Variants in TYW1B observed in about 807,000 individuals in gnomAD.
TYW1B encodes the protein S-adenosyl-L-methionine-dependent tRNA 4-demethylwyosine synthase TYW1B.
TYW1B carries 73 observed loss-of-function variants against 86.9 expected under a neutral mutation model. The ratio of observed to expected loss-of-function variants is 0.84; its 90% CI spans 0.70 to 1.02. The LOEUF (loss-of-function observed/expected upper bound fraction) is 1.02, where lower values mean the gene tolerates loss of function less well. TYW1B is among the 50% of genes least tolerant of loss of function. TYW1B has a pLI of 0.00. For missense variants in TYW1B, 637 were observed against 827.4 expected (o/e 0.77, Z 2.82); for synonymous variants, 248 against 292.8 (o/e 0.85, Z 1.56).
At chr7:72,746,258 G>A (rs1787392724) in intron 7 of TYW1B, among the ~76,000 whole-genome samples, 1 of 151,832 alleles carries the variant, frequency 6.6e-6, no homozygotes, top group African/African-American at 2.4e-5. Context: ...AAGTTTCCCT[G>A]TCCATCTTAG....
chr7:72,697,194 C>T (rs1206480360), intron 10 of TYW1B, among the ~76,000 whole-genome samples: 1 of 152,074 alleles, frequency 6.6e-6, no homozygotes, highest in South Asian at 2.1e-4. Flanking sequence ...AGATTATGAA[C>T]AGTACATTCC....
intron 11 of TYW1B, among the ~76,000 whole-genome samples, chr7:72,640,820 A>G (rs1416317177): frequency 6.6e-6 from 1 of 152,166 alleles, no homozygotes; most frequent in Non-Finnish European, 1.5e-5. Flanking sequence ...AAGGAGTAAA[A>G]GCACAGAACA....
At chr7:72,643,236 C>A (rs1459456688) in intron 11 of TYW1B, among the ~76,000 whole-genome samples, 7 of 151,802 alleles carry the variant, frequency 4.6e-5, no homozygotes, top group African/African-American at 1.7e-4. Flanking sequence ...ATAAGGATGG[C>A]AAGTATTCCA....
intron 6 of TYW1B, among the ~76,000 whole-genome samples, chr7:72,783,169 C>T (rs1554471909): frequency 6.6e-6 from 1 of 151,982 alleles, no homozygotes; most frequent in Admixed American, 6.6e-5. Flanking sequence ...GAGGCTGAGG[C>T]GGGCAGATCA....
At chr7:72,787,200 G>A (rs1255150915) in intron 6 of TYW1B, among the ~76,000 whole-genome samples, 18 of 152,140 alleles carry the variant, frequency 1.2e-4, no homozygotes, top group African/African-American at 3.4e-4. Flanking sequence ...GACCAGGCCC[G>A]GTGGCTATCC....
chr7:72,777,772 C>T (rs1160558797), intron 6 of TYW1B, among the ~76,000 whole-genome samples: 2 of 152,018 alleles, frequency 1.3e-5, no homozygotes, highest in East Asian at 1.9e-4. Context: ...AAAAATTAGC[C>T]GGGGATGGTG....
chr7:72,809,187 C>G (rs1472480892), intron 4 of TYW1B, among the ~76,000 whole-genome samples: 2 of 151,966 alleles, frequency 1.3e-5, no homozygotes, highest in Non-Finnish European at 2.9e-5. Context: ...GGACTACAGG[C>G]GCCCGTCACC....
chr7:72,821,438 G>A (rs1788826049), intron 2 of TYW1B, among the ~76,000 whole-genome samples: 1 of 152,260 alleles, frequency 6.6e-6, no homozygotes. Context: ...TTGTAGGCAA[G>A]AATAATTATT....
rs537514122 is a variant in TYW1B at position 72,723,895 on chromosome 7, CA to C, written c.1192+4926del. Among the ~76,000 whole-genome samples the C allele has an allele frequency of 7.6e-4, 115 of 151,498 alleles. 1 individual carries two copies. The highest frequency in any genetic ancestry group is 2.5e-3 in the African/African-American group (104 of 41,296). On this transcript the variant is annotated intron_variant, in intron 9 of 13. Coordinates refer to ENST00000620995, the MANE Select transcript of TYW1B (RefSeq NM_001145440.3). ...TATCATTTTAAAAGAAATCACATAA[CA>C]TTTTTTTCTTTGAAGTGTTACAGAC...
intron 6 of TYW1B, among the ~76,000 whole-genome samples, chr7:72,787,018 T>G (rs1424946412): frequency 1.5e-4 from 23 of 151,814 alleles, no homozygotes; most frequent in Non-Finnish European, 1.2e-4. Context: ...CACATTCACG[T>G]TGACCCAGTA....
chr7:72,640,012 G>A (rs1219855686), intron 11 of TYW1B, among the ~76,000 whole-genome samples: 9 of 152,018 alleles, frequency 5.9e-5, no homozygotes, highest in Non-Finnish European at 1.2e-4. Flanking sequence ...TGATATAAAC[G>A]TTAATTTACA....
chr7:72,802,591 C>CCA (rs1345175112), intron 5 of TYW1B, 69 bp from the exon 6 acceptor site: 1 of 1,578,640 alleles, frequency 6.3e-7, no homozygotes, highest in Non-Finnish European at 8.6e-7. Flanking sequence ...ACCCTCCCTC[C>CCA]CACACTGAGA....
At chr7:72,579,607 C>G (rs560308933) in intron 13 of TYW1B, among the ~76,000 whole-genome samples, 1 of 152,122 alleles carries the variant, frequency 6.6e-6, no homozygotes, top group Non-Finnish European at 1.5e-5. Flanking sequence ...TACATGTACA[C>G]GGAAAGTGAG....
rs4599696 is a variant in TYW1B at position 72,748,186 on chromosome 7, G to A, written c.965-3585C>T. Among the ~76,000 whole-genome samples the A allele has an allele frequency of 8.4e-3, 1,275 of 152,132 alleles. 16 individuals are homozygous for A. Among genetic ancestry groups the A allele is most frequent in the African/African-American group, 0.028 (1,182 of 41,528 alleles). On this transcript the variant is annotated intron_variant, in intron 7 of 13. Coordinates refer to ENST00000620995, the MANE Select transcript of TYW1B (RefSeq NM_001145440.3). ...AGGGAGGCTCAGGCAGGAGAATGGC[G>A]GGAACCTGGAAGGCAGAGCTTGCAG...
At chr7:72,669,897 C>G (rs1813553428) in intron 11 of TYW1B, among the ~76,000 whole-genome samples, 1 of 151,770 alleles carries the variant, frequency 6.6e-6, no homozygotes. Flanking sequence ...GAGCTGAAGA[C>G]CAGCCTATGC....
intron 11 of TYW1B, among the ~76,000 whole-genome samples, chr7:72,659,105 T>A (rs1298820945): frequency 1.3e-5 from 2 of 152,132 alleles, no homozygotes; most frequent in Non-Finnish European, 2.9e-5. Context: ...AATATAAACA[T>A]CATCTAGCAA....
intron 11 of TYW1B, among the ~76,000 whole-genome samples, chr7:72,647,558 T>C (rs1554442199): frequency 6.6e-6 from 1 of 152,296 alleles, no homozygotes; most frequent in African/African-American, 2.4e-5. Context: ...ACCCAACATA[T>C]CTGAGGAACA....
At chr7:72,710,224 TGGGGATA>T (rs1786616230) in intron 10 of TYW1B, among the ~76,000 whole-genome samples, 1 of 152,306 alleles carries the variant, frequency 6.6e-6, no homozygotes, top group South Asian at 2.1e-4. Context: ...CCATTCTTTT[TGGGGATA>T]TATGCCTTTA....
At chr7:72,576,275 G>A (rs1325600270) in intron 13 of TYW1B, among the ~76,000 whole-genome samples, 4 of 152,140 alleles carry the variant, frequency 2.6e-5, no homozygotes, top group Non-Finnish European at 4.4e-5. Context: ...TTCAGTAAGA[G>A]GGGATAATCC....
Sources: allele counts gnomAD v4.1 joint callset (sites outside exome capture counted in the v4.1 genomes callset), GRCh38; gene constraint gnomAD v4.1.1; transcripts MANE v1.5; gene names NCBI Gene and HGNC (gene_info 2026-07-23, HGNC 2026-07-21).